SLFN14: variants seen among roughly 807,000 people sequenced by gnomAD.
The protein encoded by SLFN14 is schlafen family member 14.
A neutral mutation model predicts 58.6 loss-of-function variants in SLFN14; 47 were observed. That is an observed-to-expected ratio of 0.80 (90% confidence interval 0.64 to 1.02). The LOEUF is 1.02. Among genes scored for constraint, SLFN14 ranks in the 50% least tolerant of loss-of-function variants. The pLI is 0.00. For synonymous variants in SLFN14, 390 were observed against 387.3 expected, an observed-to-expected ratio of 1.01 and a Z score of -0.08; for missense variants, 967 against 1,078.4, an observed-to-expected ratio of 0.90 and a Z score of 1.45.
At position 35,558,223 on chromosome 17, in the gene SLFN14, C is replaced by A. The variant is rs116369700; in HGVS notation, c.-44-117G>T. ...TTTTAATGTTGGAAGTCATCTCTCT[C>A]TATATGTATATTTGTTGTTGTTGTT... is the stretch of plus-strand genomic sequence containing the variant. On this transcript the variant is annotated intron_variant, in intron 2 of 5. Coordinates refer to ENST00000674182, the MANE Select transcript of SLFN14 (RefSeq NM_001129820.2). 404 of 707,816 alleles carry A rather than the reference C, an allele frequency of 5.7e-4. 1 individual carries two copies. In the African/African-American group the frequency reaches 6.2e-3, roughly 11 times the overall value. The allele number at this position is 707,816 out of a possible 1,614,324, so 43.8% of individuals were successfully genotyped here. A position where few individuals can be genotyped will look rare whatever the true frequency, so the allele number is the denominator to read the frequency against.
Position 35,557,050 on chromosome 17 carries a change from C to G in SLFN14, c.1013G>C (p.Arg338Pro). ...GACCACCCACTGCTCAGCTGTCAGC[C>G]GTGTGACAGAATTGTCTTTCATGAT... ...SWIMKDNSVTRLTAEQWVVMM... is the reference protein window; with the variant it reads ...SWIMKDNSVTPLTAEQWVVMM... Residue 338 changes from arginine to proline, a missense_variant, in exon 3 of 6, where the codon CGG becomes CCG. Physicochemically the swap from Arg to Pro is moderately radical, Grantham distance 103 (BLOSUM62 -2). Coordinates refer to ENST00000674182, the MANE Select transcript of SLFN14 (RefSeq NM_001129820.2). 6.4e-7 allele frequency: 1 copy of G among 1,551,662 alleles called. No homozygotes were observed. The highest frequency in any genetic ancestry group is 8.7e-7 in the Non-Finnish European group (1 of 1,146,982).
At chr17:35,559,701 G>A (rs1251162188) in intron 2 of SLFN14, among the ~76,000 whole-genome samples, 26 bp downstream of exon 2, 2 of 152,148 alleles carry the variant, frequency 1.3e-5, no homozygotes, top group Non-Finnish European at 2.9e-5. Context: ...CAAAGCAGGG[G>A]CCCTGTGGGC....
intron 3 of SLFN14, 110 bp downstream of exon 3, chr17:35,556,893 A>C: frequency 1.9e-6 from 2 of 1,050,312 alleles, no homozygotes; most frequent in Non-Finnish European, 2.7e-6. Flanking sequence ...AACACTTATA[A>C]GAAAAATAAA....
rs2072617461 is a variant in SLFN14 at position 35,553,459 on chromosome 17, A to G, written c.1190-15T>C. On this transcript the variant is annotated splice_polypyrimidine_tract_variant and intron_variant, in intron 4 of 5. Coordinates refer to ENST00000674182, the MANE Select transcript of SLFN14 (RefSeq NM_001129820.2). ...TTCCTGTGTCACTGAAAATTCAAGG[A>G]ATAGATGTTACCAAAACTTACAAAA... The G allele has an allele frequency of 6.7e-7, 1 of 1,503,236 alleles. No individual in the cohort carries two copies. The highest frequency in any genetic ancestry group is 1.3e-5 in the South Asian group (1 of 77,164). 93.1% of individuals were successfully genotyped at this position (1,503,236 alleles called of 1,614,324 possible).
intron 5 of SLFN14, 118 bp downstream of exon 5, chr17:35,552,612 G>T: frequency 6.6e-6 from 2 of 302,616 alleles, no homozygotes; most frequent in Non-Finnish European, 1.0e-5. Context: ...ATATATATAT[G>T]TGTATATATA....
chr17:35,548,186 C>G lies in SLFN14; in HGVS notation c.*53G>C. On this transcript the variant is annotated 3_prime_UTR_variant, in exon 6 of 6. Coordinates refer to ENST00000674182, the MANE Select transcript of SLFN14 (RefSeq NM_001129820.2). Reference sequence around the variant, plus strand: ...TTAAAATGGAGTCACTGCTACCTGTCTAGGAGAAAGGACTCTGCTCTTCCT... The same window carrying G: ...TTAAAATGGAGTCACTGCTACCTGTGTAGGAGAAAGGACTCTGCTCTTCCT... 1.3e-6 allele frequency: 2 copies of G among 1,495,346 alleles called. No homozygotes were observed. Among genetic ancestry groups the G allele is most frequent in the Non-Finnish European group, 1.8e-6 (2 of 1,109,906 alleles). The allele number at this position is 1,495,346 out of a possible 1,614,324, so 92.6% of individuals were successfully genotyped here.
chr17:35,548,199 C>T lies in SLFN14; in HGVS notation c.*40G>A. 1 of 1,525,966 alleles carries T rather than the reference C, an allele frequency of 6.6e-7. No homozygotes were observed. The highest frequency in any genetic ancestry group is 8.8e-7 in the Non-Finnish European group (1 of 1,131,026). 94.5% of individuals were successfully genotyped at this position (1,525,966 alleles called of 1,614,324 possible). ...ACTGCTACCTGTCTAGGAGAAAGGA[C>T]TCTGCTCTTCCTGTCTTCCTCTATT... On this transcript the variant is annotated 3_prime_UTR_variant, in exon 6 of 6. Transcript: ENST00000674182.
rs980385939 is a variant in SLFN14, at chr17:35,544,201, T to C, written c.*4038A>G. The stretch of plus-strand genomic sequence containing the variant: ...GTAAACCCAATGCTGAAAGTCCATG[T>C]ACAGCCTCTGTGCACATCAGAACTA... On this transcript the variant is annotated 3_prime_UTR_variant, in exon 6 of 6. Transcript: ENST00000674182. Among the ~76,000 whole-genome samples the C allele has an allele frequency of 6.6e-6, 1 of 152,184 alleles. No individual in the cohort carries two copies. The highest frequency in any genetic ancestry group is 2.4e-5 in the African/African-American group (1 of 41,434).
At chr17:35,551,487 G>A (rs1330769999) in intron 5 of SLFN14, among the ~76,000 whole-genome samples, 7 of 152,130 alleles carry the variant, frequency 4.6e-5, no homozygotes, top group African/African-American at 1.7e-4. Context: ...TCGTACCTAA[G>A]CCCCGCAACA....
rs2072553469 is a variant in SLFN14, at chr17:35,548,521, G to C, written c.2457C>G (p.Cys819Trp). 2 of 1,551,662 alleles carry C rather than the reference G, an allele frequency of 1.3e-6. No individual in the cohort carries two copies. The highest frequency in any genetic ancestry group is 2.4e-5 in the South Asian group (2 of 84,062). Residue 819 changes from cysteine (C) to tryptophan (W), a missense_variant, in exon 6 of 6, where the codon TGC (cysteine) becomes TGG (tryptophan). Physicochemically the swap from Cys to Trp is radical, Grantham distance 215 (BLOSUM62 -2). Transcript: ENST00000674182. ...GYLPKDIAIL[C>W]RRGEDRGRYR... ...AGCGTCCTCTGTCCTCCCCTCTCCTGCACAGAATTGCTATATCTTTGGGCA... is the reference window on the plus strand; with the variant it reads ...AGCGTCCTCTGTCCTCCCCTCTCCTCCACAGAATTGCTATATCTTTGGGCA...
At chr17:35,549,498 G>A (rs375978490) in intron 5 of SLFN14, among the ~76,000 whole-genome samples, 1 of 152,042 alleles carries the variant, frequency 6.6e-6, no homozygotes, top group Admixed American at 6.6e-5. Context: ...TAATTTTTAT[G>A]TGCAAAAAAA....
rs192004906 is a variant in SLFN14 at position 35,554,458 on chromosome 17, G to A, written c.1189+118C>T. 1.0e-4 allele frequency: 54 copies of A among 538,228 alleles called. 1 individual carries two copies. In the African/African-American group the frequency reaches 1.1e-3, roughly 11 times the overall value. The allele number at this position is 538,228 out of a possible 1,614,324, so 33.3% of individuals were successfully genotyped here. A position where few individuals can be genotyped will look rare whatever the true frequency, so the allele number is the denominator to read the frequency against. ...TTTCAAATTTCAGGATCATTATGTC[G>A]CTAAGTCCTTCATTTGACCTTCCCT... On this transcript the variant is annotated intron_variant, in intron 4 of 5. Transcript: ENST00000674182.
intron 4 of SLFN14, among the ~76,000 whole-genome samples, chr17:35,554,167 G>A (rs1421960353): frequency 6.6e-6 from 1 of 151,802 alleles, no homozygotes; most frequent in Non-Finnish European, 1.5e-5. Flanking sequence ...TTTTTTGATG[G>A]TTGAGACCTG....
chr17:35,559,084 G>C (rs976071592), intron 2 of SLFN14, among the ~76,000 whole-genome samples: 11 of 151,982 alleles, frequency 7.2e-5, no homozygotes, highest in Admixed American at 5.2e-4. Context: ...ACATTAGGCA[G>C]GTATGGTGGT....
chr17:35,551,829 C>T (rs1211342589), intron 5 of SLFN14, among the ~76,000 whole-genome samples: 15 of 152,268 alleles, frequency 9.9e-5, no homozygotes, highest in African/African-American at 3.4e-4. Context: ...TCGAATACAA[C>T]GTAGAGCAGA....
At chr17:35,552,143 G>A (rs530151426) in intron 5 of SLFN14, among the ~76,000 whole-genome samples, 1 of 152,274 alleles carries the variant, frequency 6.6e-6, no homozygotes, top group Admixed American at 6.5e-5. Flanking sequence ...GACATCAAAG[G>A]CACCCCTCCC....
At chr17:35,552,090 C>T (rs1333988985) in intron 5 of SLFN14, among the ~76,000 whole-genome samples, 5 of 152,166 alleles carry the variant, frequency 3.3e-5, no homozygotes, top group Non-Finnish European at 5.9e-5. Context: ...AAATCTACCA[C>T]GGACCCCTGG....
chr17:35,550,371 C>A (rs1038311925), intron 5 of SLFN14, among the ~76,000 whole-genome samples: 16 of 152,174 alleles, frequency 1.1e-4, no homozygotes, highest in Non-Finnish European at 2.9e-5. Flanking sequence ...CATGGTGAAA[C>A]CCCGTCTCTA....
chr17:35,554,478 T>G (rs966653515), intron 4 of SLFN14, 98 bp downstream of exon 4: 29 of 999,868 alleles, frequency 2.9e-5, no homozygotes, highest in Non-Finnish European at 3.5e-5. Context: ...TCATTTGACC[T>G]TCCCTAAGGA....
Sources: gnomAD v4.1 joint callset for allele counts (sites outside exome capture counted in the v4.1 genomes callset) on GRCh38, gnomAD v4.1.1 for gene constraint, MANE v1.5 for transcripts, NCBI Gene and HGNC (gene_info 2026-07-23, HGNC 2026-07-21) for gene names.